Variants in PHKA2 observed in about 807,000 individuals in gnomAD.
PHKA2 encodes the protein phosphorylase b kinase regulatory subunit alpha, liver isoform.
A neutral mutation model predicts 102.0 loss-of-function variants in PHKA2; 31 were observed. That is an observed-to-expected ratio of 0.30 (90% CI 0.23 to 0.41). PHKA2 has a LOEUF of 0.41. Among genes scored for constraint, PHKA2 ranks in the 10% least tolerant of loss-of-function variants. The pLI is 1.00. For missense variants in PHKA2, 858 were observed against 1,023.1 expected (o/e 0.84, Z 2.20); for synonymous variants, 455 against 416.2 (o/e 1.09, Z -1.13).
At chrX:18,981,035 T>C (rs769188873) in intron 1 of PHKA2, among the ~76,000 whole-genome samples, 8 of 111,856 alleles carry the variant, frequency 7.2e-5, no homozygotes, top group Non-Finnish European at 1.5e-4. Context: ...AGATACAACA[T>C]ACACTTTAGA....
At chrX:18,903,458 G>C (rs1487261330) in intron 26 of PHKA2, among the ~76,000 whole-genome samples, 2 of 112,406 alleles carry the variant, frequency 1.8e-5, no homozygotes, top group Non-Finnish European at 3.8e-5. Context: ...TGTGGCCGTG[G>C]GCTGGATGAT....
At chrX:18,905,391 G>A (rs1052661170) in intron 26 of PHKA2, among the ~76,000 whole-genome samples, 8 of 111,397 alleles carry the variant, frequency 7.2e-5, no homozygotes, top group African/African-American at 2.6e-4. Flanking sequence ...TGGTCAGGCT[G>A]GTCTCAAACT....
chrX:18,898,893 G>A (rs972890521), intron 29 of PHKA2, among the ~76,000 whole-genome samples: 2 of 112,111 alleles, frequency 1.8e-5, no homozygotes, highest in Non-Finnish European at 3.8e-5. Context: ...GAAGTTTCCA[G>A]AAGCTCTGGG....
chrX:18,935,103 C>T (rs1490282535), intron 11 of PHKA2, among the ~76,000 whole-genome samples: 1 of 112,193 alleles, frequency 8.9e-6, no homozygotes, highest in Non-Finnish European at 1.9e-5. Context: ...CTCTGAAGGC[C>T]TTTTCATCCC....
chrX:18,934,031 G>A (rs1306783203), intron 11 of PHKA2, among the ~76,000 whole-genome samples: 1 of 111,812 alleles, frequency 8.9e-6, no homozygotes, highest in African/African-American at 3.3e-5. Flanking sequence ...TACCCCTGAA[G>A]GCACTTATTT....
chrX:18,982,512 C>T (rs1052839834), intron 1 of PHKA2, among the ~76,000 whole-genome samples: 4 of 112,083 alleles, frequency 3.6e-5, no homozygotes, highest in African/African-American at 9.7e-5. Context: ...GATGGGCAAA[C>T]CACAACTGGT....
Position 18,925,694 on chromosome X carries a change from T to C in PHKA2, c.1543A>G (p.Asn515Asp). 1 of 1,186,692 alleles carries C rather than the reference T, an allele frequency of 8.4e-7. No individual in the cohort carries two copies. Among genetic ancestry groups the C allele is most frequent in the Non-Finnish European group, 1.1e-6 (1 of 872,573 alleles). The change falls in exon 15 of 33, where the codon AAC becomes GAC. Residue 515 changes from asparagine to aspartate, a missense_variant. Around this residue, in one of 2 missense-constraint regions of PHKA2, gnomAD observed 671 missense variants for 745.2 expected, o/e 0.90. Coordinates refer to ENST00000379942, the MANE Select transcript of PHKA2 (RefSeq NM_000292.3). ...LGTSKLYVIR[N>D]QIFTFTPQFT... ...TGGGGTGTAAAAGTAAAGATTTGGTTCCTAATCACATATAGTTTAGAGGTT... is the reference window on the plus strand; with the variant it reads ...TGGGGTGTAAAAGTAAAGATTTGGTCCCTAATCACATATAGTTTAGAGGTT...
chrX:18,919,470 C>T lies in PHKA2; in HGVS notation c.1963+562G>A, dbSNP rs192287297. Among the ~76,000 whole-genome samples the T allele has an allele frequency of 5.9e-3, 650 of 109,731 alleles. 5 individuals are homozygous for T. The highest frequency in any genetic ancestry group is 0.02 in the African/African-American group (615 of 30,118). ...CTGTAATCCCAGCACTTTGGGAGGA[C>T]GAGGCAGGCTGATCAGTTGAGCCCA... is the stretch of plus-strand genomic sequence containing the variant. On this transcript the variant is annotated intron_variant, in intron 18 of 32. Coordinates refer to ENST00000379942, the MANE Select transcript of PHKA2 (RefSeq NM_000292.3).
intron 22 of PHKA2, 141 bp downstream of exon 22, chrX:18,907,759 G>A (rs1237683121): frequency 1.6e-6 from 1 of 620,785 alleles, no homozygotes; most frequent in Non-Finnish European, 2.6e-6. Context: ...AGGCAGGCAG[G>A]AGAGAAGGGC....
intron 1 of PHKA2, among the ~76,000 whole-genome samples, chrX:18,963,027 T>C (rs1311523455): frequency 2.7e-5 from 3 of 112,814 alleles, no homozygotes; most frequent in Admixed American, 1.9e-4. Context: ...AATTTTTCCC[T>C]TTACTGAACT....
intron 1 of PHKA2, among the ~76,000 whole-genome samples, chrX:18,966,582 A>G (rs1423008474): frequency 2.7e-5 from 3 of 112,441 alleles, no homozygotes; most frequent in Non-Finnish European, 5.6e-5. Context: ...TAAATTATTT[A>G]AACGCTGTCC....
At chrX:18,916,412 C>T (rs1426099913) in intron 19 of PHKA2, among the ~76,000 whole-genome samples, 2 of 111,837 alleles carry the variant, frequency 1.8e-5, no homozygotes, top group Non-Finnish European at 3.8e-5. Flanking sequence ...CTGGCCTGGG[C>T]GACAGAGTGA....
At chrX:18,920,972 A>G (rs1185034547) in intron 17 of PHKA2, among the ~76,000 whole-genome samples, 2 of 112,281 alleles carry the variant, frequency 1.8e-5, no homozygotes, top group Non-Finnish European at 3.8e-5. Flanking sequence ...TAAAGAGTCA[A>G]TTGAGGCATA....
chrX:18,897,656 AC>A, intron 29 of PHKA2: 1 of 277,010 alleles, frequency 3.6e-6, no homozygotes, highest in Non-Finnish European at 6.4e-6. Flanking sequence ...GCTAATCCCC[AC>A]TCAATGCCAG....
Position 18,901,622 on chromosome X carries a change from C to G in PHKA2, c.2909-19G>C. ...GGGCGCACTGGGTGGGAAACACACA[C>G]ACGTGGTTCTCAGGAACTCTACAGC... On this transcript the variant is annotated intron_variant, in intron 26 of 32. Transcript: ENST00000379942. 1.9e-6 allele frequency: 2 copies of G among 1,062,828 alleles called. No individual in the cohort carries two copies. The highest frequency in any genetic ancestry group is 2.6e-6 in the Non-Finnish European group (2 of 762,392). 87.6% of individuals were successfully genotyped at this position (1,062,828 alleles called of 1,213,427 possible). A position where few individuals can be genotyped will look rare whatever the true frequency, so the allele number is the denominator to read the frequency against.
chrX:18,935,992 G>C, intron 11 of PHKA2, 63 bp downstream of exon 11: 1 of 734,586 alleles, frequency 1.4e-6, no homozygotes, highest in Admixed American at 2.3e-5. Context: ...ATACCAACAG[G>C]CCAAGCAATG....
chrX:18,955,162 C>T (rs997778412), intron 1 of PHKA2, among the ~76,000 whole-genome samples: 7 of 112,315 alleles, frequency 6.2e-5, no homozygotes, highest in Admixed American at 2.8e-4. Context: ...CATTATTTGG[C>T]AGAAAAAGGA....
rs373407231 is a variant in PHKA2, at chrX:18,893,592, A to G, written c.3601T>C (p.Tyr1201His). ...TAAGCCCCACTCGGAGCGCTGTCAT[A>G]AAAGAAGTGGCAGATTCCTGTGGCT... is the stretch of plus-strand genomic sequence containing the variant. ...DQATGICHFF[Y>H]DSAPSGAYGT... The change falls in exon 33 of 33, where the codon TAT becomes CAT. Residue 1201 changes from tyrosine to histidine, a missense_variant. Tyr to His is a moderately conservative substitution (Grantham distance 83). This residue lies in a region of PHKA2 where 671 missense variants were observed against 745.2 expected (regional missense o/e 0.90). Transcript: ENST00000379942. The G allele has an allele frequency of 5.8e-6, 7 of 1,211,599 alleles. No individual in the cohort carries two copies. Among genetic ancestry groups the G allele is most frequent in the African/African-American group, 1.7e-5 (1 of 57,926 alleles).
At chrX:18,917,442 A>T (rs770225169) in intron 19 of PHKA2, among the ~76,000 whole-genome samples, 1 of 108,916 alleles carries the variant, frequency 9.2e-6, no homozygotes, top group African/African-American at 3.3e-5. Flanking sequence ...TATTTTTAGT[A>T]CAGACAGCGT....
Sources: allele counts gnomAD v4.1 joint callset (sites outside exome capture counted in the v4.1 genomes callset), GRCh38; gene constraint gnomAD v4.1.1; regional missense constraint gnomAD v4.1.1; transcripts MANE v1.5; gene names NCBI Gene and HGNC (gene_info 2026-07-23, HGNC 2026-07-21).